MTOR: variants seen among roughly 807,000 people sequenced by gnomAD.
The protein encoded by MTOR is serine/threonine-protein kinase mTOR.
A neutral mutation model predicts 319.8 loss-of-function variants in MTOR; 70 were observed. The ratio of observed to expected loss-of-function variants is 0.22; its 90% CI spans 0.18 to 0.27. The LOEUF (loss-of-function observed/expected upper bound fraction) is 0.27. Ranked by LOEUF, MTOR falls within the 10% of genes least tolerant of loss-of-function variation. The pLI is 1.00. For missense variants in MTOR, 1,890 were observed against 3,274.4 expected, an observed-to-expected ratio of 0.58 and a Z score of 10.32; for synonymous variants, 1,183 against 1,211.4, an observed-to-expected ratio of 0.98 and a Z score of 0.49.
intron 24 of MTOR, among the ~76,000 whole-genome samples, chr1:11,210,551 A>T (rs925938200): frequency 1.3e-5 from 2 of 152,232 alleles, no homozygotes; most frequent in African/African-American, 2.4e-5. Context: ...AATTGAGAGA[A>T]TCAAATTTAG....
chr1:11,221,015 G>GA (rs930216325), intron 19 of MTOR, among the ~76,000 whole-genome samples: 45 of 149,872 alleles, frequency 3.0e-4, no homozygotes, highest in African/African-American at 1.1e-3. Flanking sequence ...TTTTTTTGGA[G>GA]ATGGAGTCTT....
chr1:11,119,876 AT>A lies in MTOR; in HGVS notation c.6933+1369del, dbSNP rs533425130. On this transcript the variant is annotated intron_variant, in intron 49 of 57. Coordinates refer to ENST00000361445, the MANE Select transcript of MTOR (RefSeq NM_004958.4). ...AACTTTAAAAAATGCCTGTACAGTC[AT>A]ATCTCTAAGTTAGGGCCCCCATCGG... Among the ~76,000 whole-genome samples the A allele has an allele frequency of 7.7e-3, 1,164 of 151,786 alleles. 20 individuals are homozygous for A. The highest frequency in any genetic ancestry group is 0.026 in the African/African-American group (1,098 of 41,436).
chr1:11,154,730 T>C (rs963061980), intron 30 of MTOR, among the ~76,000 whole-genome samples: 3 of 152,186 alleles, frequency 2.0e-5, no homozygotes, highest in African/African-American at 7.2e-5. Context: ...ATTTCTGTAG[T>C]TCCTTCTACT....
intron 28 of MTOR, among the ~76,000 whole-genome samples, chr1:11,180,665 G>T (rs1197193850): frequency 6.6e-6 from 1 of 152,156 alleles, no homozygotes; most frequent in Non-Finnish European, 1.5e-5. Flanking sequence ...CTAGCTAAGG[G>T]TGATTTACTG....
chr1:11,203,065 T>C (rs536349340), intron 26 of MTOR, among the ~76,000 whole-genome samples: 1 of 149,410 alleles, frequency 6.7e-6, no homozygotes, highest in African/African-American at 2.5e-5. Flanking sequence ...TTACAAAAAA[T>C]AGCCGGGCGT....
intron 19 of MTOR, among the ~76,000 whole-genome samples, chr1:11,218,204 G>A (rs916044334): frequency 6.6e-6 from 1 of 152,138 alleles, no homozygotes; most frequent in Non-Finnish European, 1.5e-5. Context: ...GGCTGAGGCG[G>A]GCAGATCACA....
intron 13 of MTOR, among the ~76,000 whole-genome samples, chr1:11,236,642 G>A (rs970856021): frequency 6.6e-6 from 1 of 151,496 alleles, no homozygotes; most frequent in South Asian, 2.1e-4. Context: ...CAGAGTAGCT[G>A]GTATTACAGA....
intron 19 of MTOR, among the ~76,000 whole-genome samples, chr1:11,222,241 G>A (rs1440094856): frequency 6.6e-6 from 1 of 150,840 alleles, no homozygotes; most frequent in Admixed American, 6.6e-5. Flanking sequence ...CTGTCACCCA[G>A]GCTGGAGTGC....
chr1:11,194,511 C>G, intron 28 of MTOR: 5 of 1,614,162 alleles, frequency 3.1e-6, no homozygotes, highest in Non-Finnish European at 4.2e-6. Flanking sequence ...TTGTTTTGGG[C>G]AATGAACTCA....
rs753286555 is a variant in MTOR at position 11,133,112 on chromosome 1, C to T, written c.5332G>A (p.Ala1778Thr). ...TIPKVLQYYS[A>T]ATEHDRSWYK... ...CAGCTGCGGTCGTGCTCTGTGGCGG[C>T]GCTGTAGTACTGCAGCACTTTGGGG... is the stretch of plus-strand genomic sequence containing the variant. Residue 1778 changes from alanine to threonine, a missense_variant, in exon 38 of 58, where the codon GCC becomes ACC. Ala to Thr is a moderately conservative substitution (Grantham distance 58, BLOSUM62 0). Transcript: ENST00000361445. The surrounding 1 kb of genome is among the most constrained non-coding windows in gnomAD (Gnocchi z 4.0). 16 of 1,614,002 alleles carry T rather than the reference C, an allele frequency of 9.9e-6. No individual in the cohort carries two copies. Among genetic ancestry groups the T allele is most frequent in the East Asian group, 2.2e-5 (1 of 44,896 alleles).
rs1642077577 is a variant in MTOR, at chr1:11,114,795, T to C, written c.7164+18A>G. ...CCTGATCCCATTTGGAAGCAGCTCG[T>C]TCCCGATATCCACTCACCTCCATAG... On this transcript the variant is annotated intron_variant, in intron 52 of 57. Coordinates refer to ENST00000361445, the MANE Select transcript of MTOR (RefSeq NM_004958.4). 1 of 1,613,006 alleles carries C rather than the reference T, an allele frequency of 6.2e-7. No homozygotes were observed. Among genetic ancestry groups the C allele is most frequent in the Non-Finnish European group, 8.5e-7 (1 of 1,178,962 alleles).
Position 11,129,004 on chromosome 1 carries a change from G to A in MTOR, c.5715-53C>T. On this transcript the variant is annotated intron_variant, in intron 40 of 57. Coordinates refer to ENST00000361445, the MANE Select transcript of MTOR (RefSeq NM_004958.4). The surrounding 1 kb of genome is among the most constrained non-coding windows in gnomAD (Gnocchi z 4.7). Reference sequence around the variant, plus strand: ...AAATTTAGTTTCCCAGTTTTTGCCTGCCTGTTTTTCATCTCTAAGGCTCCT... The same window carrying A: ...AAATTTAGTTTCCCAGTTTTTGCCTACCTGTTTTTCATCTCTAAGGCTCCT... 2 of 1,487,402 alleles carry A rather than the reference G, an allele frequency of 1.3e-6. No homozygotes were observed. The highest frequency in any genetic ancestry group is 9.3e-7 in the Non-Finnish European group (1 of 1,080,038). The allele number at this position is 1,487,402 out of a possible 1,614,324, so 92.1% of individuals were successfully genotyped here.
chr1:11,223,332 T>G (rs74539747), intron 19 of MTOR, among the ~76,000 whole-genome samples: 1 of 41,144 alleles, frequency 2.4e-5, no homozygotes, highest in Non-Finnish European at 1.7e-4. Context: ...AGGGTTGGTA[T>G]TAAATAATAC....
chr1:11,113,436 G>A (rs955521879), intron 53 of MTOR, among the ~76,000 whole-genome samples: 1 of 152,114 alleles, frequency 6.6e-6, no homozygotes, highest in Non-Finnish European at 1.5e-5. Flanking sequence ...GAGTTACTCT[G>A]TGCAAATGTA....
Position 11,146,581 on chromosome 1 carries a change from C to T in MTOR, c.4686+95G>A, listed in dbSNP as rs548709694. The stretch of plus-strand genomic sequence containing the variant: ...TCACAGAGCCGAGTAAACATCAGAC[C>T]TGAAGTACAACAGCTTCTTTACCAA... On this transcript the variant is annotated intron_variant, in intron 32 of 57. Coordinates refer to ENST00000361445, the MANE Select transcript of MTOR (RefSeq NM_004958.4). The T allele has an allele frequency of 7.7e-4, 701 of 906,044 alleles. 10 individuals carry two copies. In the South Asian group the frequency reaches 9.6e-3, roughly 12 times the overall value. 56.1% of individuals were successfully genotyped at this position (906,044 alleles called of 1,614,324 possible).
chr1:11,183,099 A>G (rs913459662), intron 28 of MTOR, among the ~76,000 whole-genome samples: 2 of 152,246 alleles, frequency 1.3e-5, no homozygotes, highest in African/African-American at 2.4e-5. Flanking sequence ...GAAAAGCCCA[A>G]TTGCTTCACA....
At chr1:11,220,031 C>CAAAAAAAA (rs35124153) in intron 19 of MTOR, among the ~76,000 whole-genome samples, 3 of 54,642 alleles carry the variant, frequency 5.5e-5, no homozygotes, top group Non-Finnish European at 1.0e-4. Context: ...GACTTGATCT[C>CAAAAAAAA]AAAAAAAAAA....
chr1:11,169,975 A>T (rs116617753), intron 28 of MTOR, among the ~76,000 whole-genome samples: 1 of 152,184 alleles, frequency 6.6e-6, no homozygotes, highest in Non-Finnish European at 1.5e-5. Flanking sequence ...CGAATTCCCA[A>T]TGTTTCCTGA....
At chr1:11,169,552 C>T (rs796703270) in intron 28 of MTOR, among the ~76,000 whole-genome samples, 15 of 152,308 alleles carry the variant, frequency 9.8e-5, no homozygotes, top group African/African-American at 3.6e-4. Context: ...TTGAGGGAGA[C>T]ACATCTCACC....
Sources: gnomAD v4.1 joint callset for allele counts (sites outside exome capture counted in the v4.1 genomes callset) on GRCh38, gnomAD v4.1.1 for gene constraint, Gnocchi (gnomAD v3.1) non-coding constraint, MANE v1.5 for transcripts, NCBI Gene and HGNC (gene_info 2026-07-23, HGNC 2026-07-21) for gene names.